Variants in FBXL7 observed in about 807,000 individuals in gnomAD.
The protein encoded by FBXL7 is F-box/LRR-repeat protein 7.
A neutral mutation model predicts 38.3 loss-of-function variants in FBXL7; 12 were observed. The ratio of observed to expected loss-of-function variants is 0.31; its 90% CI spans 0.20 to 0.51. The LOEUF (loss-of-function observed/expected upper bound fraction) is 0.51, where lower values mean the gene tolerates loss of function less well. Ranked by LOEUF, FBXL7 falls within the 20% of genes least tolerant of loss-of-function variation. The pLI, the probability that FBXL7 is intolerant of heterozygous loss-of-function variation, is 0.98. For synonymous variants in FBXL7, 297 were observed against 300.9 expected (o/e 0.99, Z 0.13); for missense variants, 567 against 676.4 (o/e 0.84, Z 1.79).
chr5:15,793,301 A>T (rs1737325345), intron 2 of FBXL7, among the ~76,000 whole-genome samples: 1 of 152,062 alleles, frequency 6.6e-6, no homozygotes, highest in Admixed American at 6.6e-5. Context: ...GCAGGGCTGT[A>T]CTCCCTTGGA....
rs138897539 is a variant in FBXL7, at chr5:15,544,653, T to C, written c.37+43940T>C. ...ACTTTAAGTTTTGGGCCTAGGCTGA[T>C]GCTCATGATTAATCTCAGAGTAGAG... On this transcript the variant is annotated intron_variant, in intron 1 of 3. Transcript: ENST00000504595. Among the ~76,000 whole-genome samples the C allele has an allele frequency of 5.8e-4, 88 of 152,242 alleles. No homozygotes were observed. In the East Asian group the frequency reaches 7.2e-3, roughly 12 times the overall value.
Position 15,831,461 on chromosome 5 carries a change from G to A in FBXL7, c.128-96429G>A, listed in dbSNP as rs369806132. On this transcript the variant is annotated intron_variant, in intron 2 of 3. Transcript: ENST00000504595. The stretch of plus-strand genomic sequence containing the variant: ...CAAAGTGCCATTCACACAACAGCTA[G>A]CTAGCCTCACAGGGCGTCAGTATGA... 8.5e-4 allele frequency among the ~76,000 whole-genome samples: 129 copies of A among 152,294 alleles called. 1 individual carries two copies. In the South Asian group the frequency reaches 0.014, roughly 17 times the overall value.
intron 1 of FBXL7, among the ~76,000 whole-genome samples, chr5:15,594,196 A>T (rs1739554385): frequency 6.6e-6 from 1 of 152,214 alleles, no homozygotes; most frequent in Admixed American, 6.5e-5. Flanking sequence ...AAAGGGAAAT[A>T]TTGTCCTTTT....
chr5:15,501,182 C>T (rs1736476628), intron 1 of FBXL7, among the ~76,000 whole-genome samples: 1 of 152,160 alleles, frequency 6.6e-6, no homozygotes, highest in South Asian at 2.1e-4. Context: ...GCTGCTCCTG[C>T]TCTGACAGCT....
chr5:15,622,566 G>C (rs918699386), intron 2 of FBXL7, among the ~76,000 whole-genome samples: 11 of 152,120 alleles, frequency 7.2e-5, no homozygotes, highest in Admixed American at 7.2e-4. Context: ...ACAGTTTGCT[G>C]ATAATGATGG....
At chr5:15,860,384 G>A (rs1410765186) in intron 2 of FBXL7, among the ~76,000 whole-genome samples, 1 of 152,152 alleles carries the variant, frequency 6.6e-6, no homozygotes, top group East Asian at 1.9e-4. Context: ...CCCTCTGGCT[G>A]TCCTGCTTGA....
intron 2 of FBXL7, among the ~76,000 whole-genome samples, chr5:15,871,069 G>A (rs932017790): frequency 2.6e-5 from 4 of 152,208 alleles, no homozygotes; most frequent in Non-Finnish European, 5.9e-5. Context: ...AGCTCTTGCT[G>A]GCATCTGGCA....
intron 2 of FBXL7, among the ~76,000 whole-genome samples, chr5:15,712,748 C>CTAA (rs1232584785): frequency 2.0e-5 from 3 of 152,006 alleles, no homozygotes; most frequent in African/African-American, 7.2e-5. Flanking sequence ...GAGAGGAAGT[C>CTAA]TAATATTGAG....
At chr5:15,804,418 C>G (rs1476458928) in intron 2 of FBXL7, among the ~76,000 whole-genome samples, 1 of 152,104 alleles carries the variant, frequency 6.6e-6, no homozygotes, top group Non-Finnish European at 1.5e-5. Flanking sequence ...GCAGTGAGCT[C>G]TGGTCATGCC....
intron 2 of FBXL7, among the ~76,000 whole-genome samples, chr5:15,671,985 T>C (rs1742494322): frequency 6.6e-6 from 1 of 152,232 alleles, no homozygotes; most frequent in Admixed American, 6.5e-5. Context: ...ATAGTAGGTC[T>C]GAAACTATCC....
intron 2 of FBXL7, among the ~76,000 whole-genome samples, chr5:15,761,472 C>G (rs1267600587): frequency 6.6e-6 from 1 of 152,174 alleles, no homozygotes; most frequent in Non-Finnish European, 1.5e-5. Context: ...CTCTTCACTT[C>G]CAGAACTACA....
intron 2 of FBXL7, among the ~76,000 whole-genome samples, chr5:15,706,116 A>G (rs188453555): frequency 6.6e-6 from 1 of 152,312 alleles, no homozygotes; most frequent in Non-Finnish European, 1.5e-5. Context: ...ATCAACGGGT[A>G]TGATACAGTT....
At chr5:15,800,946 A>G (rs1243818825) in intron 2 of FBXL7, among the ~76,000 whole-genome samples, 1 of 152,178 alleles carries the variant, frequency 6.6e-6, no homozygotes, top group Non-Finnish European at 1.5e-5. Context: ...TTACACACAT[A>G]ACCAATAGGG....
chr5:15,510,012 G>A lies in FBXL7; in HGVS notation c.37+9299G>A, dbSNP rs1054406199. Among the ~76,000 whole-genome samples the A allele has an allele frequency of 2.0e-5, 3 of 152,152 alleles. No individual in the cohort carries two copies. The South Asian group carries it at 6.2e-4, about 31-fold the overall frequency. On this transcript the variant is annotated intron_variant, in intron 1 of 3. Coordinates refer to ENST00000504595, the MANE Select transcript of FBXL7 (RefSeq NM_012304.5). ...CAAGCACATGGTCAGCATTTTCCCC[G>A]TTCCGTAGTTGAAAAAGTGTAGACT...
At position 15,711,029 on chromosome 5, in the gene FBXL7, G is replaced by A. The variant is rs568446574; in HGVS notation, c.127+94957G>A. Among the ~76,000 whole-genome samples the A allele has an allele frequency of 9.9e-5, 15 of 152,258 alleles. No homozygotes were observed. In the East Asian group the frequency reaches 1.5e-3, roughly 16 times the overall value. On this transcript the variant is annotated intron_variant, in intron 2 of 3. Coordinates refer to ENST00000504595, the MANE Select transcript of FBXL7 (RefSeq NM_012304.5). Reference sequence around the variant, plus strand: ...CTTGATAAGTTTCACGAGATCTGACGGTTCTAAAAAAACAGGAGTTTTCCT... The same window carrying A: ...CTTGATAAGTTTCACGAGATCTGACAGTTCTAAAAAAACAGGAGTTTTCCT...
intron 3 of FBXL7, among the ~76,000 whole-genome samples, chr5:15,930,746 G>A (rs956296838): frequency 6.6e-6 from 1 of 152,204 alleles, no homozygotes; most frequent in African/African-American, 2.4e-5. Flanking sequence ...AGCTCACCAA[G>A]TTAAGAACAC....
intron 2 of FBXL7, among the ~76,000 whole-genome samples, chr5:15,662,908 T>A (rs1256932308): frequency 6.6e-6 from 1 of 152,204 alleles, no homozygotes; most frequent in East Asian, 1.9e-4. Context: ...TGTAATCCTG[T>A]AGTATAGTTT....
At position 15,708,971 on chromosome 5, in the gene FBXL7, T is replaced by C. The variant is rs149768587; in HGVS notation, c.127+92899T>C. ...CCCAGAAAATGTTTTTTCATGTAATTGGTCTTTGACTTAAATGAGGAGTGT... is the reference window on the plus strand; with the variant it reads ...CCCAGAAAATGTTTTTTCATGTAATCGGTCTTTGACTTAAATGAGGAGTGT... On this transcript the variant is annotated intron_variant, in intron 2 of 3. Coordinates refer to ENST00000504595, the MANE Select transcript of FBXL7 (RefSeq NM_012304.5). 2.3e-3 allele frequency among the ~76,000 whole-genome samples: 354 copies of C among 152,292 alleles called. 3 individuals carry two copies. Among genetic ancestry groups the C allele is most frequent in the African/African-American group, 8.1e-3 (338 of 41,576 alleles).
chr5:15,736,477 A>G (rs1216332351), intron 2 of FBXL7, among the ~76,000 whole-genome samples: 1 of 152,190 alleles, frequency 6.6e-6, no homozygotes, highest in Non-Finnish European at 1.5e-5. Context: ...TTTTTCTTAT[A>G]AGTTTCAAAT....
Sources: gnomAD v4.1 joint callset for allele counts (sites outside exome capture counted in the v4.1 genomes callset) on GRCh38, gnomAD v4.1.1 for gene constraint, MANE v1.5 for transcripts, NCBI Gene and HGNC (gene_info 2026-07-23, HGNC 2026-07-21) for gene names.